The following CADPS variants were observed in gnomAD, a reference collection of about 807,000 sequenced individuals.
CADPS encodes the protein calcium-dependent secretion activator 1.
In CADPS, 57 loss-of-function variants were observed where a neutral mutation model predicts 167.3. That is an observed-to-expected ratio of 0.34 (90% confidence interval 0.28 to 0.42). CADPS has a LOEUF of 0.42. Among genes scored for constraint, CADPS ranks in the 20% least tolerant of loss-of-function variants. The pLI is 1.00. For synonymous variants in CADPS, 676 were observed against 635.3 expected (o/e 1.06, Z -0.96); for missense variants, 1,414 against 1,738.1 (o/e 0.81, Z 3.32).
chr3:62,682,577 G>A (rs1199839244), intron 3 of CADPS, among the ~76,000 whole-genome samples: 1 of 152,050 alleles, frequency 6.6e-6, no homozygotes, highest in Non-Finnish European at 1.5e-5. Flanking sequence ...AGAATTGAAA[G>A]CTGAGAGGTT....
chr3:62,662,061 T>C (rs1435829445), intron 4 of CADPS, among the ~76,000 whole-genome samples: 2 of 152,116 alleles, frequency 1.3e-5, no homozygotes, highest in African/African-American at 2.4e-5. Flanking sequence ...CTGTTGGAGC[T>C]ATGTGTCTGG....
chr3:62,847,088 G>A (rs923152226), intron 1 of CADPS, among the ~76,000 whole-genome samples: 1 of 152,190 alleles, frequency 6.6e-6, no homozygotes, highest in African/African-American at 2.4e-5. Flanking sequence ...TTTGGGCAGT[G>A]AGAGCCTTTT....
chr3:62,525,758 C>G (rs28525274), intron 13 of CADPS, among the ~76,000 whole-genome samples: 18,736 of 150,854 alleles, frequency 0.12, 1,720 homozygotes, highest in African/African-American at 0.26. Context: ...AGAGAGAGGA[C>G]GGAGTTAGAG....
intron 4 of CADPS, among the ~76,000 whole-genome samples, chr3:62,656,339 A>G (rs147626282): frequency 1.3e-5 from 2 of 152,210 alleles, no homozygotes; most frequent in East Asian, 3.9e-4. Context: ...TACATGCTTT[A>G]TTTTACCTTA....
chr3:62,676,743 T>G (rs958677642), intron 3 of CADPS, among the ~76,000 whole-genome samples: 5 of 152,180 alleles, frequency 3.3e-5, no homozygotes, highest in African/African-American at 1.2e-4. Context: ...CAAATCATGA[T>G]GCCACAAGGC....
In CADPS at chr3:62,602,398, T is replaced by C. The variant is rs1015112409; in HGVS notation, c.1326-9650A>G. 6.6e-6 allele frequency among the ~76,000 whole-genome samples: 1 copy of C among 152,076 alleles called. No homozygotes were observed. The highest frequency in any genetic ancestry group is 1.5e-5 in the Non-Finnish European group (1 of 68,022). ...TGAACTGGGTGTTAAATTGGTGCGG[T>C]TCATAAAATTAACTGTGGGCTTTAA... On this transcript the variant is annotated intron_variant, in intron 6 of 29. Coordinates refer to ENST00000383710, the MANE Select transcript of CADPS (RefSeq NM_003716.4). The surrounding 1 kb of genome is among the most constrained non-coding windows in gnomAD (Gnocchi z 4.4).
At chr3:62,677,461 G>A (rs2076501826) in intron 3 of CADPS, among the ~76,000 whole-genome samples, 1 of 152,090 alleles carries the variant, frequency 6.6e-6, no homozygotes, top group Admixed American at 6.6e-5. Flanking sequence ...CCTAGGAAAT[G>A]TTTGGTAAAG....
At chr3:62,851,973 T>C (rs1281327982) in intron 1 of CADPS, among the ~76,000 whole-genome samples, 1 of 150,582 alleles carries the variant, frequency 6.6e-6, no homozygotes, top group African/African-American at 2.4e-5. Flanking sequence ...TTTGCTCATT[T>C]CTTTTTATTC....
At chr3:62,424,944 C>T (rs2052318851) in intron 28 of CADPS, among the ~76,000 whole-genome samples, 1 of 152,140 alleles carries the variant, frequency 6.6e-6, no homozygotes, top group Non-Finnish European at 1.5e-5. Flanking sequence ...ATATGCCGGA[C>T]ACTAGTGGTG....
At chr3:62,831,407 C>T (rs1216655234) in intron 1 of CADPS, among the ~76,000 whole-genome samples, 1 of 152,132 alleles carries the variant, frequency 6.6e-6, no homozygotes, top group Admixed American at 6.6e-5. Flanking sequence ...GCTTCTGTAA[C>T]AACAGTTCCA....
intron 1 of CADPS, among the ~76,000 whole-genome samples, chr3:62,833,132 T>C (rs2075364459): frequency 6.6e-6 from 1 of 152,118 alleles, no homozygotes; most frequent in African/African-American, 2.4e-5. Flanking sequence ...TGGGAGACTA[T>C]ATGGCACATA....
rs182405247 is a variant in CADPS at position 62,630,024 on chromosome 3, T to C, written c.1325+15698A>G. Reference sequence around the variant, plus strand: ...TGTTTAATTTTTTTCATAGAATTCATTGGTGTCTTAAATTATTTCATTTGT... The same window carrying C: ...TGTTTAATTTTTTTCATAGAATTCACTGGTGTCTTAAATTATTTCATTTGT... On this transcript the variant is annotated intron_variant, in intron 6 of 29. Coordinates refer to ENST00000383710, the MANE Select transcript of CADPS (RefSeq NM_003716.4). Among the ~76,000 whole-genome samples, 635 of 152,286 alleles carry C rather than the reference T, an allele frequency of 4.2e-3. 4 individuals are homozygous for C. Among genetic ancestry groups the C allele is most frequent in the African/African-American group, 0.014 (584 of 41,566 alleles).
At chr3:62,651,733 G>A (rs1198787903) in intron 4 of CADPS, among the ~76,000 whole-genome samples, 16 of 152,200 alleles carry the variant, frequency 1.1e-4, no homozygotes, top group East Asian at 1.9e-4. Context: ...TGCAACACGT[G>A]CTAACCATGC....
intron 20 of CADPS, 68 bp from the exon 21 acceptor site, chr3:62,491,548 C>CAT: frequency 9.0e-7 from 1 of 1,110,790 alleles, no homozygotes. Flanking sequence ...CACACACACA[C>CAT]ACACACACAA....
intron 11 of CADPS, among the ~76,000 whole-genome samples, chr3:62,543,659 G>A (rs1467946603): frequency 6.6e-6 from 1 of 152,012 alleles, no homozygotes; most frequent in East Asian, 1.9e-4. Flanking sequence ...GCAAATTAAA[G>A]AAGGAAACAA....
chr3:62,532,140 C>T (rs2073825901), intron 13 of CADPS, among the ~76,000 whole-genome samples: 2 of 152,216 alleles, frequency 1.3e-5, no homozygotes, highest in African/African-American at 2.4e-5. Flanking sequence ...GACATTTGTA[C>T]ATGCTGTTCC....
chr3:62,546,711 G>A (rs2076512398), intron 11 of CADPS, among the ~76,000 whole-genome samples: 1 of 152,092 alleles, frequency 6.6e-6, no homozygotes, highest in African/African-American at 2.4e-5. Flanking sequence ...ACAATACAGT[G>A]TAATAACTAT....
At chr3:62,766,006 G>A (rs776404947) in intron 1 of CADPS, 22 bp from the exon 2 acceptor site, 4 of 1,524,836 alleles carry the variant, frequency 2.6e-6, no homozygotes, top group South Asian at 2.2e-5. Context: ...AGAAAAAGAG[G>A]GAAATGTGAG....
At chr3:62,674,451 A>G (rs1209189585) in intron 3 of CADPS, among the ~76,000 whole-genome samples, 1 of 152,120 alleles carries the variant, frequency 6.6e-6, no homozygotes, top group Non-Finnish European at 1.5e-5. Flanking sequence ...TTTGTCTACC[A>G]TGGGGTTGCC....
Sources: gnomAD v4.1 joint callset for allele counts (sites outside exome capture counted in the v4.1 genomes callset) on GRCh38, gnomAD v4.1.1 for gene constraint, Gnocchi (gnomAD v3.1) non-coding constraint, MANE v1.5 for transcripts, NCBI Gene and HGNC (gene_info 2026-07-23, HGNC 2026-07-21) for gene names.